Variants in EIF4G3 observed in about 807,000 individuals in gnomAD.
EIF4G3 encodes the protein eukaryotic translation initiation factor 4 gamma 3, also known as eIF-4-gamma 3.
A neutral mutation model predicts 186.4 loss-of-function variants in EIF4G3; 34 were observed. That is an observed-to-expected ratio of 0.18 (90% CI 0.14 to 0.24). The LOEUF (loss-of-function observed/expected upper bound fraction) is 0.24, where lower values mean the gene tolerates loss of function less well. Ranked by LOEUF, EIF4G3 falls within the 10% of genes least tolerant of loss-of-function variation. The pLI is 1.00. For synonymous variants in EIF4G3, 673 were observed against 679.5 expected, an observed-to-expected ratio of 0.99 and a Z score of 0.15; for missense variants, 1,536 against 1,948.5, an observed-to-expected ratio of 0.79 and a Z score of 3.99.
intron 2 of EIF4G3, among the ~76,000 whole-genome samples, chr1:21,096,752 C>T (rs188294747): frequency 8.5e-5 from 13 of 152,214 alleles, no homozygotes; most frequent in South Asian, 6.2e-4. Context: ...TCACATATGA[C>T]GAAAGTCAAA....
intron 19 of EIF4G3, among the ~76,000 whole-genome samples, chr1:20,884,000 A>G (rs1384858204): frequency 1.3e-5 from 2 of 152,210 alleles, no homozygotes; most frequent in Non-Finnish European, 2.9e-5. Flanking sequence ...TGAGGCAATG[A>G]TATCCTAAAA....
At chr1:21,041,137 C>T (rs2093555606) in intron 4 of EIF4G3, among the ~76,000 whole-genome samples, 1 of 152,200 alleles carries the variant, frequency 6.6e-6, no homozygotes, top group South Asian at 2.1e-4. Flanking sequence ...GAATATGTTT[C>T]ACAGTCCAGA....
At chr1:21,029,185 T>C (rs1247053978) in intron 4 of EIF4G3, among the ~76,000 whole-genome samples, 4 of 151,880 alleles carry the variant, frequency 2.6e-5, no homozygotes, top group Non-Finnish European at 5.9e-5. Flanking sequence ...ACCCAGCTAA[T>C]GTTTTATATT....
intron 19 of EIF4G3, 116 bp from the exon 20 acceptor site, chr1:20,879,636 G>A: frequency 1.7e-6 from 1 of 595,450 alleles, no homozygotes. Context: ...TTATTAACAA[G>A]GACTGTGAAC....
intron 4 of EIF4G3, among the ~76,000 whole-genome samples, chr1:21,027,487 G>A (rs766839414): frequency 1.2e-4 from 18 of 151,796 alleles, no homozygotes; most frequent in African/African-American, 9.7e-5. Flanking sequence ...AAAATTAGCC[G>A]GGCATGGTGG....
At chr1:20,919,248 G>A (rs1160132680) in intron 14 of EIF4G3, among the ~76,000 whole-genome samples, 3 of 151,924 alleles carry the variant, frequency 2.0e-5, no homozygotes, top group Admixed American at 2.0e-4. Context: ...TCACTTAGTC[G>A]CCCAGGCTGA....
At chr1:20,920,844 C>A (rs1012040539) in intron 14 of EIF4G3, among the ~76,000 whole-genome samples, 2 of 152,042 alleles carry the variant, frequency 1.3e-5, no homozygotes, top group African/African-American at 2.4e-5. Context: ...GGCAGTGGCC[C>A]AGGTTTCCTG....
At chr1:21,090,234 G>T (rs1039072452) in intron 2 of EIF4G3, among the ~76,000 whole-genome samples, 2 of 152,062 alleles carry the variant, frequency 1.3e-5, no homozygotes, top group African/African-American at 2.4e-5. Flanking sequence ...AAAAAATTTC[G>T]AATTCTCCTC....
chr1:20,857,021 G>C (rs1037169669), intron 25 of EIF4G3, among the ~76,000 whole-genome samples: 6 of 151,794 alleles, frequency 4.0e-5, no homozygotes, highest in Admixed American at 6.6e-5. Flanking sequence ...AAATTAGCCG[G>C]GTGTGGTGAC....
chr1:20,951,094 G>A (rs184257547), intron 12 of EIF4G3, among the ~76,000 whole-genome samples: 2 of 151,814 alleles, frequency 1.3e-5, no homozygotes, highest in Non-Finnish European at 2.9e-5. Flanking sequence ...CTGGGGAGTA[G>A]GGATGGGGAG....
chr1:21,128,613 G>A (rs1272713208), intron 2 of EIF4G3, among the ~76,000 whole-genome samples: 2 of 152,196 alleles, frequency 1.3e-5, no homozygotes, highest in Non-Finnish European at 2.9e-5. Flanking sequence ...AATTATCCAG[G>A]TTCTTTGGCC....
chr1:20,862,711 C>T (rs2076630037), intron 22 of EIF4G3, among the ~76,000 whole-genome samples: 2 of 152,160 alleles, frequency 1.3e-5, no homozygotes, highest in Admixed American at 6.5e-5. Flanking sequence ...CTGCGTCCAG[C>T]CCATGTAGTT....
chr1:20,864,784 G>A (rs1415785222), intron 21 of EIF4G3, 72 bp from the exon 22 acceptor site: 2 of 1,266,008 alleles, frequency 1.6e-6, no homozygotes, highest in African/African-American at 3.0e-5. Flanking sequence ...TGAGATTCAT[G>A]GGGTCAGAAT....
chr1:20,945,043 GT>G (rs1200666235), intron 13 of EIF4G3, among the ~76,000 whole-genome samples: 2 of 151,910 alleles, frequency 1.3e-5, no homozygotes, highest in Admixed American at 1.3e-4. Context: ...CAAATTGTGA[GT>G]TCTTCATTCT....
chr1:20,870,020 A>G (rs2078756601), intron 20 of EIF4G3, among the ~76,000 whole-genome samples: 2 of 152,160 alleles, frequency 1.3e-5, no homozygotes, highest in South Asian at 4.1e-4. Context: ...AAGGATATGC[A>G]CAAGATTCAA....
At chr1:21,165,959 T>C (rs1440993816) in intron 2 of EIF4G3, among the ~76,000 whole-genome samples, 2 of 151,376 alleles carry the variant, frequency 1.3e-5, no homozygotes, top group African/African-American at 4.9e-5. Flanking sequence ...TATTCTACCA[T>C]GAGAATCCTC....
chr1:21,132,131 A>G (rs909253357), intron 2 of EIF4G3, among the ~76,000 whole-genome samples: 4 of 152,146 alleles, frequency 2.6e-5, no homozygotes. Context: ...ATTGTTAGAT[A>G]TTTTTATTCA....
At chr1:20,978,601 A>G (rs1332652724) in intron 10 of EIF4G3, among the ~76,000 whole-genome samples, 2 of 151,634 alleles carry the variant, frequency 1.3e-5, no homozygotes, top group Admixed American at 1.3e-4. Flanking sequence ...AGGGATGTGA[A>G]TCATCCCTTT....
intron 2 of EIF4G3, chr1:21,169,555 AATT>A (rs1468464349): frequency 6.6e-6 from 1 of 152,220 alleles, no homozygotes; most frequent in African/African-American, 2.4e-5. Context: ...TTTCTCATTT[AATT>A]ATGTCTTGCT....
Sources: allele counts gnomAD v4.1 joint callset (sites outside exome capture counted in the v4.1 genomes callset), GRCh38; gene constraint gnomAD v4.1.1; transcripts MANE v1.5; gene names NCBI Gene and HGNC (gene_info 2026-07-23, HGNC 2026-07-21).